BBS2: variants seen among roughly 807,000 people sequenced by gnomAD.
BBS2 encodes Bardet-Biedl syndrome 2, also known as BBSome complex member BBS2.
A neutral mutation model predicts 83.0 loss-of-function variants in BBS2; 62 were observed. The ratio of observed to expected loss-of-function variants is 0.75; its 90% CI spans 0.61 to 0.92. The LOEUF (loss-of-function observed/expected upper bound fraction) is 0.92, where lower values mean the gene tolerates loss of function less well. BBS2 is among the 40% of genes least tolerant of loss of function. The probability of loss-of-function intolerance (pLI) is 0.00; values close to 1 mark genes in which losing one functional copy is unlikely to be tolerated. For missense variants in BBS2, 784 were observed against 901.0 expected (o/e 0.87, Z 1.66); for synonymous variants, 303 against 326.1 (o/e 0.93, Z 0.76).
intron 17 of BBS2, chr16:56,476,117 A>G: frequency 6.2e-7 from 1 of 1,614,038 alleles, no homozygotes; most frequent in Non-Finnish European, 8.5e-7. Flanking sequence ...AAATTTGTCA[A>G]GCATATTAAC....
rs1156922817 is a variant in BBS2 at position 56,477,110 on chromosome 16, C to CA, written c.*1-6416dup. 2.0e-5 allele frequency: 3 copies of CA among 150,000 alleles called. No homozygotes were observed. In the East Asian group the frequency reaches 5.9e-4, roughly 29 times the overall value. The allele number at this position is 150,000 out of a possible 1,614,324, so 9.3% of individuals were successfully genotyped here. A position where few individuals can be genotyped will look rare whatever the true frequency, so the allele number is the denominator to read the frequency against. ...TGCCACTGCACTCCAGCCTGGGCAA[C>CA]AAGAGTGAAACTCTGTCTCAAAAAA... On this transcript the variant is annotated intron_variant, in intron 17 of 17. Transcript: ENST00000682047.
chr16:56,490,998 T>C (rs1963935501), intron 15 of BBS2, among the ~76,000 whole-genome samples: 1 of 152,080 alleles, frequency 6.6e-6, no homozygotes. Context: ...CCTGGCCTCA[T>C]GATCCACCTG....
At chr16:56,509,889 G>C (rs1964529252) in intron 5 of BBS2, 68 bp downstream of exon 5, 11 of 1,539,796 alleles carry the variant, frequency 7.1e-6, no homozygotes, top group Non-Finnish European at 9.9e-6. Flanking sequence ...ACTCTCACTT[G>C]ATGTTTCATC....
At position 56,511,168 on chromosome 16, in the gene BBS2, G is replaced by A. The variant is rs1964566339; in HGVS notation, c.462C>T (p.Leu154=). The A allele has an allele frequency of 6.2e-7, 1 of 1,614,040 alleles. No individual in the cohort carries two copies. The highest frequency in any genetic ancestry group is 8.5e-7 in the Non-Finnish European group (1 of 1,180,010). The change falls in exon 3 of 17, where the codon CTC becomes CTT. Residue 154 remains leucine, a synonymous_variant. Transcript: ENST00000245157. Reference sequence around the variant, plus strand: ...GTTTTCTTCTTCATACCGTCCAAAAGAGATCACTTCCTTCATGATTGAAAC... The same window carrying A: ...GTTTTCTTCTTCATACCGTCCAAAAAAGATCACTTCCTTCATGATTGAAAC... ...LQGFNHEGSD[L]FWTVTGDNVN...
intron 11 of BBS2, 124 bp downstream of exon 11, chr16:56,500,730 G>A (rs1176894454): frequency 7.2e-6 from 7 of 972,376 alleles, no homozygotes; most frequent in African/African-American, 6.5e-5. Context: ...AGAAACTTTG[G>A]GTAGACAGAA....
intron 10 of BBS2, 68 bp from the exon 11 acceptor site, chr16:56,501,093 G>A (rs902993328): frequency 2.6e-6 from 4 of 1,530,308 alleles, no homozygotes; most frequent in Admixed American, 3.3e-5. Context: ...GGCAGATCAC[G>A]AGGTCAGGAG....
chr16:56,513,503 T>C (rs1328574940), intron 2 of BBS2, among the ~76,000 whole-genome samples: 1 of 152,234 alleles, frequency 6.6e-6, no homozygotes, highest in African/African-American at 2.4e-5. Flanking sequence ...CAATGGAATA[T>C]TATTCAGCCA....
chr16:56,509,815 G>A (rs1964526951), intron 5 of BBS2, 142 bp downstream of exon 5: 2 of 757,618 alleles, frequency 2.6e-6, no homozygotes, highest in East Asian at 5.1e-5. Context: ...ATAACATACA[G>A]CTCTGTCTGA....
chr16:56,489,721 A>G (rs1412644001), intron 15 of BBS2, among the ~76,000 whole-genome samples: 1 of 152,054 alleles, frequency 6.6e-6, no homozygotes, highest in African/African-American at 2.4e-5. Context: ...AATGGCTTGA[A>G]CCAGGAAGGC....
chr16:56,512,436 T>G (rs1964604884), intron 2 of BBS2, among the ~76,000 whole-genome samples: 1 of 152,176 alleles, frequency 6.6e-6, no homozygotes. Flanking sequence ...TGTTAAAAAC[T>G]GAAACAATCC....
chr16:56,519,735 G>A lies in BBS2; in HGVS notation c.117+11C>T, dbSNP rs1567588665. 2 of 1,607,190 alleles carry A rather than the reference G, an allele frequency of 1.2e-6. No homozygotes were observed. The highest frequency in any genetic ancestry group is 4.5e-5 in the East Asian group (2 of 44,812). Reference sequence around the variant, plus strand: ...CTGGGGCCCGGGCTCCCTGCGGGTGGGAGCGGTTACCTTGCCCGTTTGGGT... The same window carrying A: ...CTGGGGCCCGGGCTCCCTGCGGGTGAGAGCGGTTACCTTGCCCGTTTGGGT... On this transcript the variant is annotated intron_variant, in intron 1 of 16. Coordinates refer to ENST00000245157, the MANE Select transcript of BBS2 (RefSeq NM_031885.5).
At chr16:56,474,919 C>T (rs1252181205) in intron 17 of BBS2, 2 of 1,613,868 alleles carry the variant, frequency 1.2e-6, no homozygotes, top group South Asian at 1.1e-5. Context: ...CTGAATTTGC[C>T]CTAGACTTAA....
At chr16:56,492,250 G>A (rs543842054) in intron 15 of BBS2, among the ~76,000 whole-genome samples, 10 of 151,654 alleles carry the variant, frequency 6.6e-5, no homozygotes, top group Non-Finnish European at 1.0e-4. Flanking sequence ...ACCAACATGT[G>A]GAAAAAACAT....
intron 2 of BBS2, 82 bp downstream of exon 2, chr16:56,514,371 T>C (rs1410254807): frequency 2.3e-6 from 3 of 1,328,102 alleles, no homozygotes; most frequent in Non-Finnish European, 3.2e-6. Context: ...CAGACCAAAA[T>C]AAATGATCTG....
chr16:56,476,446 T>G, intron 17 of BBS2: 1 of 312,744 alleles, frequency 3.2e-6, no homozygotes, highest in Non-Finnish European at 5.8e-6. Flanking sequence ...CATTTAGTCC[T>G]TTTTCCATAT....
intron 1 of BBS2, 64 bp downstream of exon 1, chr16:56,519,682 G>A (rs981911881): frequency 2.2e-6 from 3 of 1,359,000 alleles, no homozygotes; most frequent in Non-Finnish European, 3.1e-6. Flanking sequence ...GATCCCAGGG[G>A]CGCGGCCGGC....
intron 15 of BBS2, among the ~76,000 whole-genome samples, chr16:56,493,458 T>C (rs1378995822): frequency 6.9e-6 from 1 of 145,768 alleles, no homozygotes; most frequent in East Asian, 2.0e-4. Flanking sequence ...ATCTAAGACA[T>C]GAAGAGGGGT....
At chr16:56,490,476 G>A (rs930759572) in intron 15 of BBS2, among the ~76,000 whole-genome samples, 3 of 151,854 alleles carry the variant, frequency 2.0e-5, no homozygotes, top group Non-Finnish European at 1.5e-5. Context: ...TGGCCAACAT[G>A]GTGAAACCTC....
intron 1 of BBS2, 61 bp downstream of exon 1, chr16:56,519,685 C>G: frequency 2.2e-6 from 3 of 1,392,524 alleles, no homozygotes; most frequent in Middle Eastern, 2.2e-4. Context: ...CCCAGGGGCG[C>G]GGCCGGCGGA....
Sources: gnomAD v4.1 joint callset for allele counts (sites outside exome capture counted in the v4.1 genomes callset) on GRCh38, gnomAD v4.1.1 for gene constraint, MANE v1.5 for transcripts, NCBI Gene and HGNC (gene_info 2026-07-23, HGNC 2026-07-21) for gene names.